Variants in KIAA1217 observed in about 807,000 individuals in gnomAD.
KIAA1217 encodes KIAA1217, also known as sickle tail protein homolog.
A neutral mutation model predicts 163.9 loss-of-function variants in KIAA1217; 88 were observed. The ratio of observed to expected loss-of-function variants is 0.54; its 90% confidence interval spans 0.45 to 0.64. The LOEUF is 0.64. Ranked by LOEUF, KIAA1217 falls within the 30% of genes least tolerant of loss-of-function variation. KIAA1217 has a pLI of 0.00. For missense variants in KIAA1217, 2,372 were observed against 2,475.0 expected, an observed-to-expected ratio of 0.96 and a Z score of 0.88; for synonymous variants, 903 against 923.1, an observed-to-expected ratio of 0.98 and a Z score of 0.39.
chr10:24,513,081 T>C (rs1219572486), intron 9 of KIAA1217, among the ~76,000 whole-genome samples, 178 bp from the exon 10 acceptor site: 1 of 152,218 alleles, frequency 6.6e-6, no homozygotes, highest in African/African-American at 2.4e-5. Flanking sequence ...AAAATTCAGA[T>C]GTTGGTGGAA....
chr10:23,995,450 CTGTG>C lies in KIAA1217; in HGVS notation c.-320-11746_-320-11743del, dbSNP rs58865993. Among the ~76,000 whole-genome samples the C allele has an allele frequency of 3.4e-3, 496 of 147,388 alleles. 4 individuals are homozygous for C. Among genetic ancestry groups the C allele is most frequent in the South Asian group, 0.015 (69 of 4,548 alleles). ...CAATTCCATTACAGCCAATTATGGC[CTGTG>C]TGTGTGTGTGTGTGTGTGTGTGTGT... On this transcript the variant is annotated intron_variant, in intron 1 of 18. Transcript: ENST00000376462.
chr10:24,464,433 C>A (rs542716441), intron 5 of KIAA1217, among the ~76,000 whole-genome samples: 4 of 152,264 alleles, frequency 2.6e-5, no homozygotes, highest in African/African-American at 9.6e-5. Flanking sequence ...ACAGGGTCAA[C>A]AGAAGCCACC....
chr10:24,493,759 A>G (rs759607875), intron 6 of KIAA1217, among the ~76,000 whole-genome samples: 1 of 152,132 alleles, frequency 6.6e-6, no homozygotes, highest in East Asian at 1.9e-4. Flanking sequence ...TCTACCTTCA[A>G]ATAAATGGGT....
chr10:24,105,990 T>C (rs1285698077), intron 2 of KIAA1217, among the ~76,000 whole-genome samples: 1 of 152,114 alleles, frequency 6.6e-6, no homozygotes, highest in Non-Finnish European at 1.5e-5. Flanking sequence ...TAGAAGTTAT[T>C]AGGAAGTTGG....
chr10:24,427,360 T>C (rs1459183515), intron 3 of KIAA1217, among the ~76,000 whole-genome samples: 1 of 152,124 alleles, frequency 6.6e-6, no homozygotes, highest in African/African-American at 2.4e-5. Context: ...TGAGGATAGC[T>C]CAGGTTGCCC....
intron 3 of KIAA1217, among the ~76,000 whole-genome samples, chr10:24,385,216 G>A (rs1186288977): frequency 6.6e-6 from 1 of 152,212 alleles, no homozygotes; most frequent in East Asian, 1.9e-4. Flanking sequence ...CAGTCTGCCT[G>A]TGCCTGGAGA....
chr10:23,765,680 A>G (rs1374011423), intron 1 of KIAA1217, among the ~76,000 whole-genome samples: 1 of 152,150 alleles, frequency 6.6e-6, no homozygotes, highest in Non-Finnish European at 1.5e-5. Context: ...CTGATGGCTT[A>G]AAAGTGTTTG....
chr10:23,751,480 A>G (rs571526533), intron 1 of KIAA1217, among the ~76,000 whole-genome samples: 1 of 152,172 alleles, frequency 6.6e-6, no homozygotes, highest in South Asian at 2.1e-4. Context: ...TGAGTCTTCT[A>G]GTTTTTACTT....
intron 2 of KIAA1217, among the ~76,000 whole-genome samples, chr10:24,256,444 G>A (rs933102): frequency 0.72 from 110,006 of 152,070 alleles, 40,008 homozygotes; most frequent in Admixed American, 0.79. Flanking sequence ...CCCTGGCCCT[G>A]GAGTAAGTGC....
intron 1 of KIAA1217, among the ~76,000 whole-genome samples, chr10:23,939,657 C>T (rs994714935): frequency 4.6e-5 from 7 of 151,878 alleles, no homozygotes; most frequent in African/African-American, 1.7e-4. Context: ...CAGAAACTTA[C>T]AATTATAATT....
intron 1 of KIAA1217, among the ~76,000 whole-genome samples, chr10:23,822,796 C>G (rs1837685796): frequency 6.6e-6 from 1 of 152,124 alleles, no homozygotes; most frequent in Admixed American, 6.6e-5. Flanking sequence ...AAGAATGAAT[C>G]AAGTATTTAC....
At chr10:23,708,247 TACCAGGTCCCTCCC>T (rs1334204063) in intron 1 of KIAA1217, among the ~76,000 whole-genome samples, 1 of 152,192 alleles carries the variant, frequency 6.6e-6, no homozygotes, top group African/African-American at 2.4e-5. Context: ...CATTATCTCC[TACCAGGTCCCTCCC>T]ACAACATGTG....
intron 5 of KIAA1217, among the ~76,000 whole-genome samples, chr10:24,446,092 A>G (rs1023786531): frequency 1.4e-4 from 21 of 152,130 alleles, no homozygotes; most frequent in African/African-American, 5.1e-4. Context: ...GTGAGATGGT[A>G]TCTGATTGTG....
At chr10:24,362,736 C>T (rs996203390) in intron 2 of KIAA1217, among the ~76,000 whole-genome samples, 2 of 152,128 alleles carry the variant, frequency 1.3e-5, no homozygotes, top group Admixed American at 1.3e-4. Flanking sequence ...CGCGGTGGCT[C>T]ACGCCTATAA....
intron 2 of KIAA1217, among the ~76,000 whole-genome samples, chr10:24,072,208 G>T (rs2061212275): frequency 1.3e-5 from 2 of 151,698 alleles, no homozygotes; most frequent in African/African-American, 4.8e-5. Flanking sequence ...TTTATTTTTT[G>T]TAGAGATGGG....
chr10:23,767,946 G>T (rs1266205727), intron 1 of KIAA1217, among the ~76,000 whole-genome samples: 1 of 152,152 alleles, frequency 6.6e-6, no homozygotes, highest in Admixed American at 6.5e-5. Context: ...GGCAGTACAC[G>T]CTGGGTCTTC....
At chr10:23,950,597 A>G (rs1241409487) in intron 1 of KIAA1217, among the ~76,000 whole-genome samples, 1 of 152,136 alleles carries the variant, frequency 6.6e-6, no homozygotes, top group Admixed American at 6.5e-5. Flanking sequence ...TTGTTCATGC[A>G]TGCATGCATT....
intron 2 of KIAA1217, among the ~76,000 whole-genome samples, chr10:24,363,679 C>T (rs2050345100): frequency 1.3e-5 from 2 of 151,808 alleles, no homozygotes; most frequent in South Asian, 4.1e-4. Flanking sequence ...TCAAGCAGTC[C>T]TCCCACCTTA....
At chr10:24,315,868 G>A (rs2043285040) in intron 2 of KIAA1217, among the ~76,000 whole-genome samples, 1 of 148,382 alleles carries the variant, frequency 6.7e-6, no homozygotes, top group South Asian at 2.2e-4. Context: ...TTTTTGTGAT[G>A]ACTTTAACTT....
Sources: allele counts gnomAD v4.1 joint callset (sites outside exome capture counted in the v4.1 genomes callset), GRCh38; gene constraint gnomAD v4.1.1; transcripts MANE v1.5; gene names NCBI Gene and HGNC (gene_info 2026-07-23, HGNC 2026-07-21).